The following NEDD9 variants were observed in gnomAD, a reference collection of about 807,000 sequenced individuals.
NEDD9 encodes neural precursor cell expressed, developmentally down-regulated 9.
A neutral mutation model predicts 76.6 loss-of-function variants in NEDD9; 26 were observed. The observed-to-expected ratio is 0.34, with a 90% CI of 0.25 to 0.47. The LOEUF is 0.47. Among genes scored for constraint, NEDD9 ranks in the 20% least tolerant of loss-of-function variants. The probability of loss-of-function intolerance (pLI) is 1.00; values close to 1 mark genes in which losing one functional copy is unlikely to be tolerated. For synonymous variants in NEDD9, 392 were observed against 414.2 expected, an observed-to-expected ratio of 0.95 and a Z score of 0.65; for missense variants, 937 against 1,058.5, an observed-to-expected ratio of 0.89 and a Z score of 1.59.
At chr6:11,327,965 C>A (rs1561836400) in intron 2 of NEDD9, among the ~76,000 whole-genome samples, 1 of 152,206 alleles carries the variant, frequency 6.6e-6, no homozygotes, top group South Asian at 2.1e-4. Context: ...TATGAGCTCA[C>A]CCTAGGGGGA....
Position 11,213,261 on chromosome 6 carries a change from T to G in NEDD9, c.459+20A>C. Reference sequence around the variant, plus strand: ...AAAAAAAATAAGTAGGAACAAAAATTTAGTTAGTCATTTACTCACCTTTTT... The same window carrying G: ...AAAAAAAATAAGTAGGAACAAAAATGTAGTTAGTCATTTACTCACCTTTTT... On this transcript the variant is annotated intron_variant, in intron 2 of 6. Coordinates refer to ENST00000379446, the MANE Select transcript of NEDD9 (RefSeq NM_006403.4). The surrounding 1 kb of genome is among the most constrained non-coding windows in gnomAD (Gnocchi z 5.4). The G allele has an allele frequency of 6.4e-7, 1 of 1,551,952 alleles. No individual in the cohort carries two copies. Among genetic ancestry groups the G allele is most frequent in the Non-Finnish European group, 8.7e-7 (1 of 1,149,024 alleles).
chr6:11,220,645 A>G (rs1759112335), intron 1 of NEDD9, among the ~76,000 whole-genome samples: 1 of 152,188 alleles, frequency 6.6e-6, no homozygotes, highest in Admixed American at 6.5e-5. Context: ...TGGCTCATAT[A>G]CCAAAGTGAA....
At chr6:11,191,294 C>T in intron 4 of NEDD9, 89 bp from the exon 5 acceptor site, 1 of 1,410,152 alleles carries the variant, frequency 7.1e-7, no homozygotes. Context: ...TTTGCTGGCA[C>T]TTTTTCGGTC....
chr6:11,215,355 A>G (rs892052911), intron 1 of NEDD9, among the ~76,000 whole-genome samples: 9 of 152,220 alleles, frequency 5.9e-5, no homozygotes, highest in Non-Finnish European at 1.0e-4. Flanking sequence ...TGAGGAGTGC[A>G]TATTTCAGGG....
intron 2 of NEDD9, among the ~76,000 whole-genome samples, chr6:11,203,528 C>T (rs1758517530): frequency 6.6e-6 from 1 of 152,132 alleles, no homozygotes; most frequent in Non-Finnish European, 1.5e-5. Flanking sequence ...GCTGATGGGG[C>T]AAACCACTCA....
chr6:11,331,237 G>C (rs1051684749), intron 2 of NEDD9, among the ~76,000 whole-genome samples: 1 of 152,082 alleles, frequency 6.6e-6, no homozygotes. Flanking sequence ...GGGGAACTGC[G>C]GTATAAGAAT....
At chr6:11,193,524 C>A in intron 3 of NEDD9, 67 bp downstream of exon 3, 1 of 1,263,890 alleles carries the variant, frequency 7.9e-7, no homozygotes, top group Non-Finnish European at 1.1e-6. Flanking sequence ...TCCCTTTTCT[C>A]TACAGCCCTG....
intron 1 of NEDD9, among the ~76,000 whole-genome samples, chr6:11,354,996 T>C (rs1339744503): frequency 2.0e-5 from 3 of 152,210 alleles, no homozygotes; most frequent in Admixed American, 2.0e-4. Context: ...AGCTCTTTTC[T>C]GCTACCCAAG....
rs566207239 is a variant in NEDD9 at position 11,355,858 on chromosome 6, C to T, written c.-213-21297G>A. ...GCCTCAGCCTCCCCAGTAGCTGGGACTACAGGCACCCGCCACCACGCCCGG... is the reference window on the plus strand; with the variant it reads ...GCCTCAGCCTCCCCAGTAGCTGGGATTACAGGCACCCGCCACCACGCCCGG... On this transcript the variant is annotated intron_variant, in intron 1 of 3. Transcript: ENST00000397378. Among the ~76,000 whole-genome samples the T allele has an allele frequency of 1.4e-4, 22 of 152,136 alleles. No homozygotes were observed. The East Asian group carries it at 3.7e-3, about 25-fold the overall frequency.
chr6:11,193,308 C>A (rs1294477512), intron 3 of NEDD9, among the ~76,000 whole-genome samples: 3 of 144,162 alleles, frequency 2.1e-5, no homozygotes, highest in Non-Finnish European at 3.0e-5. Flanking sequence ...GAGATTCTGT[C>A]TTAAAAAAAA....
chr6:11,375,904 A>G (rs1015499339), intron 1 of NEDD9, among the ~76,000 whole-genome samples: 5 of 152,004 alleles, frequency 3.3e-5, no homozygotes, highest in African/African-American at 1.2e-4. Flanking sequence ...GGCTCACTGC[A>G]AGCTCCGCCT....
intron 3 of NEDD9, among the ~76,000 whole-genome samples, chr6:11,287,356 A>T (rs530290465): frequency 6.6e-5 from 10 of 152,278 alleles, no homozygotes; most frequent in African/African-American, 7.2e-5. Context: ...TGAACCTGGT[A>T]GGTGGAGGTT....
intron 2 of NEDD9, among the ~76,000 whole-genome samples, chr6:11,314,501 C>G (rs1206009187): frequency 6.6e-6 from 1 of 152,166 alleles, no homozygotes; most frequent in African/African-American, 2.4e-5. Flanking sequence ...GGGTGTTTCT[C>G]TCTATAGATT....
At chr6:11,378,242 C>CA (rs897171904) in intron 1 of NEDD9, among the ~76,000 whole-genome samples, 3 of 151,792 alleles carry the variant, frequency 2.0e-5, no homozygotes, top group Admixed American at 1.3e-4. Context: ...GATTCTGTCT[C>CA]AAAAAAAAGA....
intron 3 of NEDD9, among the ~76,000 whole-genome samples, chr6:11,279,790 C>A (rs150503566): frequency 1.3e-5 from 2 of 152,330 alleles, no homozygotes; most frequent in Non-Finnish European, 2.9e-5. Context: ...TCTCCTCCCG[C>A]TCCCCGCACC....
intron 1 of NEDD9, among the ~76,000 whole-genome samples, chr6:11,362,385 C>T (rs1190835980): frequency 6.6e-6 from 1 of 152,160 alleles, no homozygotes; most frequent in African/African-American, 2.4e-5. Flanking sequence ...ATTTTCATCC[C>T]TCTCTTTCTC....
chr6:11,378,264 A>T (rs889594302), intron 1 of NEDD9, among the ~76,000 whole-genome samples: 1 of 152,148 alleles, frequency 6.6e-6, no homozygotes, highest in South Asian at 2.1e-4. Flanking sequence ...CTGATTGTTT[A>T]AAAGAGTGTG....
At chr6:11,300,779 G>A (rs1461951449) in intron 3 of NEDD9, among the ~76,000 whole-genome samples, 1 of 152,142 alleles carries the variant, frequency 6.6e-6, no homozygotes, top group African/African-American at 2.4e-5. Flanking sequence ...CATAAGTGAA[G>A]GAGAAATAAA....
chr6:11,327,610 A>G (rs1368095022), intron 2 of NEDD9, among the ~76,000 whole-genome samples: 1 of 152,234 alleles, frequency 6.6e-6, no homozygotes, highest in Non-Finnish European at 1.5e-5. Context: ...ATCACCTGAT[A>G]ACTTCAGTGC....
Sources: allele counts gnomAD v4.1 joint callset (sites outside exome capture counted in the v4.1 genomes callset), GRCh38; gene constraint gnomAD v4.1.1; non-coding constraint Gnocchi (gnomAD v3.1); transcripts MANE v1.5; gene names NCBI Gene and HGNC (gene_info 2026-07-23, HGNC 2026-07-21).